The following UBE2R2 variants were observed in gnomAD, a reference collection of about 807,000 sequenced individuals.
UBE2R2 encodes the protein ubiquitin conjugating enzyme E2 R2, also known as ubiquitin-conjugating enzyme E2 R2.
Under a neutral mutation model 27.8 loss-of-function variants are expected in UBE2R2, and 1 was observed. The ratio of observed to expected loss-of-function variants is 0.04; its 90% CI spans 0.01 to 0.17. The LOEUF is 0.17. Ranked by LOEUF, UBE2R2 falls within the 10% of genes least tolerant of loss-of-function variation. The probability of loss-of-function intolerance (pLI) is 1.00; values close to 1 mark genes in which losing one functional copy is unlikely to be tolerated. For synonymous variants in UBE2R2, 106 were observed against 113.3 expected (o/e 0.94, Z 0.41); for missense variants, 100 against 291.0 (o/e 0.34, Z 4.78).
chr9:33,915,827 T>C (rs112965416), intron 4 of UBE2R2, among the ~76,000 whole-genome samples: 2 of 152,082 alleles, frequency 1.3e-5, no homozygotes, highest in African/African-American at 4.8e-5. Context: ...TGTGAAAGAA[T>C]GACTAGATGG....
chr9:33,867,509 G>T (rs1325505457), intron 1 of UBE2R2, among the ~76,000 whole-genome samples: 2 of 152,144 alleles, frequency 1.3e-5, no homozygotes, highest in Non-Finnish European at 1.5e-5. Flanking sequence ...TAAGCTGGTT[G>T]TACCTGTTCT....
intron 3 of UBE2R2, among the ~76,000 whole-genome samples, chr9:33,908,946 T>A (rs1243743853): frequency 6.6e-6 from 1 of 152,008 alleles, no homozygotes; most frequent in Non-Finnish European, 1.5e-5. Flanking sequence ...TAGTGTGCTA[T>A]GATCACGCCT....
At chr9:33,898,527 A>C (rs73490852) in intron 2 of UBE2R2, among the ~76,000 whole-genome samples, 21 of 152,058 alleles carry the variant, frequency 1.4e-4, no homozygotes, top group African/African-American at 4.6e-4. Context: ...TATAGTTTCT[A>C]TGTGTCTAAA....
chr9:33,860,582 G>T (rs1162542436), intron 1 of UBE2R2, among the ~76,000 whole-genome samples: 1 of 151,890 alleles, frequency 6.6e-6, no homozygotes, highest in Admixed American at 6.6e-5. Flanking sequence ...TTCTTTCTAG[G>T]GGTGGTGTGG....
chr9:33,839,062 A>G (rs1322049239), intron 1 of UBE2R2, among the ~76,000 whole-genome samples: 2 of 147,900 alleles, frequency 1.4e-5, no homozygotes, highest in African/African-American at 2.5e-5. Context: ...AACCTAGGCA[A>G]CAGAGCGAGG....
At chr9:33,909,127 T>TATC (rs150348242) in intron 3 of UBE2R2, among the ~76,000 whole-genome samples, 12,166 of 152,090 alleles carry the variant, frequency 0.08, 703 homozygotes, top group Non-Finnish European at 0.12. Flanking sequence ...GGTTATACAT[T>TATC]ATCATCATCA....
chr9:33,909,442 C>T (rs1342607679), intron 3 of UBE2R2, among the ~76,000 whole-genome samples: 5 of 152,138 alleles, frequency 3.3e-5, no homozygotes, highest in African/African-American at 1.2e-4. Context: ...GAGCCAAGAT[C>T]ACACCATTGC....
intron 1 of UBE2R2, among the ~76,000 whole-genome samples, chr9:33,833,845 T>G (rs1336732436): frequency 6.6e-6 from 1 of 152,224 alleles, no homozygotes; most frequent in African/African-American, 2.4e-5. Flanking sequence ...CCTTTCTGTC[T>G]TTATGAATTT....
intron 1 of UBE2R2, among the ~76,000 whole-genome samples, chr9:33,877,846 T>TCTCTCTCC (rs1821648126): frequency 6.6e-6 from 1 of 151,438 alleles, no homozygotes; most frequent in African/African-American, 2.4e-5. Flanking sequence ...TCTCTCTCTC[T>TCTCTCTCC]CTCCCACTCT....
intron 1 of UBE2R2, among the ~76,000 whole-genome samples, chr9:33,821,089 T>C (rs1166374831): frequency 6.6e-6 from 1 of 152,216 alleles, no homozygotes; most frequent in Non-Finnish European, 1.5e-5. Flanking sequence ...ATTTTATTGT[T>C]ACTAGAAAAA....
intron 1 of UBE2R2, among the ~76,000 whole-genome samples, chr9:33,819,429 T>TA (rs1043891297): frequency 6.6e-6 from 1 of 152,218 alleles, no homozygotes; most frequent in Non-Finnish European, 1.5e-5. Flanking sequence ...GCGGTACCCC[T>TA]ACCAACTGTT....
intron 1 of UBE2R2, among the ~76,000 whole-genome samples, chr9:33,833,209 C>T (rs955746365): frequency 6.6e-6 from 1 of 152,134 alleles, no homozygotes; most frequent in Non-Finnish European, 1.5e-5. Flanking sequence ...GGATTACAAA[C>T]ACATGCCACC....
intron 1 of UBE2R2, among the ~76,000 whole-genome samples, chr9:33,840,833 A>G (rs1820717801): frequency 1.3e-5 from 2 of 152,168 alleles, no homozygotes; most frequent in Admixed American, 6.5e-5. Context: ...GGTAGGATAT[A>G]TACTTGATTC....
upstream of UBE2R2, among the ~76,000 whole-genome samples, chr9:33,815,548 C>G (rs1426981749): frequency 1.3e-5 from 2 of 152,102 alleles, no homozygotes; most frequent in Non-Finnish European, 2.9e-5. Flanking sequence ...GGTTGGAGAC[C>G]AGCCTCGCCA....
intron 1 of UBE2R2, among the ~76,000 whole-genome samples, chr9:33,857,298 A>C (rs1821129163): frequency 6.6e-6 from 1 of 151,700 alleles, no homozygotes; most frequent in East Asian, 1.9e-4. Context: ...CTAATGTTAA[A>C]CTGAAATTAG....
chr9:33,857,249 G>A (rs1821128542), intron 1 of UBE2R2, among the ~76,000 whole-genome samples: 1 of 151,386 alleles, frequency 6.6e-6, no homozygotes, highest in Admixed American at 6.6e-5. Flanking sequence ...ACTTTAGTAG[G>A]GTTTCAGAAG....
chr9:33,853,724 A>T (rs963599242), intron 1 of UBE2R2, among the ~76,000 whole-genome samples: 1 of 149,120 alleles, frequency 6.7e-6, no homozygotes, highest in Non-Finnish European at 1.5e-5. Flanking sequence ...TTTATGGCCC[A>T]TGTTGTCATT....
Position 33,903,869 on chromosome 9 carries a change from T to C in UBE2R2, c.362+3598T>C, listed in dbSNP as rs78785293. ...GAAGCTTCCCAACTACAACTAGTTA[T>C]GTGGAGTTACACCTAACATCTTCAC... On this transcript the variant is annotated intron_variant, in intron 3 of 4. Transcript: ENST00000263228. 1.0e-3 allele frequency among the ~76,000 whole-genome samples: 158 copies of C among 152,366 alleles called. No individual in the cohort carries two copies. The East Asian group carries it at 0.027, about 26-fold the overall frequency.
chr9:33,920,299 A>G lies in UBE2R2; in HGVS notation c.*3062A>G, dbSNP rs929192650. The G allele has an allele frequency of 6.6e-6, 1 of 152,292 alleles. No homozygotes were observed. The highest frequency in any genetic ancestry group is 2.4e-5 in the African/African-American group (1 of 41,420). 9.4% of individuals were successfully genotyped at this position (152,292 alleles called of 1,614,324 possible). A position where few individuals can be genotyped will look rare whatever the true frequency, so the allele number is the denominator to read the frequency against. On this transcript the variant is annotated 3_prime_UTR_variant, in exon 5 of 5. Coordinates refer to ENST00000263228, the MANE Select transcript of UBE2R2 (RefSeq NM_017811.4). ...CTTATGAGAAAAGATTATCTGACGG[A>G]TTTTGTGTTGACTTCCCCTTTAGTG...
Sources: gnomAD v4.1 joint callset for allele counts (sites outside exome capture counted in the v4.1 genomes callset) on GRCh38, gnomAD v4.1.1 for gene constraint, MANE v1.5 for transcripts, NCBI Gene and HGNC (gene_info 2026-07-23, HGNC 2026-07-21) for gene names.